PI4KA: variants seen among roughly 807,000 people sequenced by gnomAD.
The protein encoded by PI4KA is PI4-kinase alpha.
A neutral mutation model predicts 271.4 loss-of-function variants in PI4KA; 122 were observed. That is an observed-to-expected ratio of 0.45 (90% confidence interval 0.39 to 0.52). The LOEUF is 0.52. PI4KA is among the 20% of genes least tolerant of loss of function. The probability of loss-of-function intolerance (pLI) is 0.00; values close to 1 mark genes in which losing one functional copy is unlikely to be tolerated. For missense variants in PI4KA, 1,969 were observed against 2,769.1 expected (o/e 0.71, Z 6.48); for synonymous variants, 1,041 against 1,078.8 (o/e 0.96, Z 0.69).
chr22:20,753,880 G>C (rs1226927223), intron 23 of PI4KA, among the ~76,000 whole-genome samples: 1 of 152,064 alleles, frequency 6.6e-6, no homozygotes, highest in African/African-American at 2.4e-5. Flanking sequence ...TAGAGACAGG[G>C]TTTCACCACG....
At chr22:20,857,088 G>C (rs1036218674) in intron 1 of PI4KA, among the ~76,000 whole-genome samples, 2 of 152,200 alleles carry the variant, frequency 1.3e-5, no homozygotes, top group African/African-American at 4.8e-5. Context: ...AATGATAACA[G>C]TGCTCATACA....
chr22:20,788,825 G>A (rs1934442628), intron 19 of PI4KA, among the ~76,000 whole-genome samples: 1 of 151,900 alleles, frequency 6.6e-6, no homozygotes, highest in South Asian at 2.1e-4. Context: ...TTCTTTTCTG[G>A]TGCCTGTCCT....
At chr22:20,719,130 G>A (rs1444734085) in intron 43 of PI4KA, among the ~76,000 whole-genome samples, 2 of 152,122 alleles carry the variant, frequency 1.3e-5, no homozygotes, top group African/African-American at 2.4e-5. Flanking sequence ...GAATGTCACA[G>A]GGCATAGAAT....
At chr22:20,821,769 T>C (rs1922722735) in intron 4 of PI4KA, among the ~76,000 whole-genome samples, 2 of 151,982 alleles carry the variant, frequency 1.3e-5, no homozygotes, top group Admixed American at 1.3e-4. Context: ...TTTTTTATTT[T>C]TAGTAGAGAC....
intron 19 of PI4KA, among the ~76,000 whole-genome samples, chr22:20,766,791 C>A (rs572601450): frequency 3.2e-4 from 49 of 152,194 alleles, no homozygotes; most frequent in African/African-American, 1.1e-3. Context: ...GCTTTGCTAC[C>A]CCCAAACACT....
chr22:20,709,464 C>A, intron 53 of PI4KA, 85 bp from the exon 54 acceptor site: 1 of 757,696 alleles, frequency 1.3e-6, no homozygotes, highest in Admixed American at 2.0e-5. Flanking sequence ...TCCATGGGGA[C>A]GGACTTCAGC....
chr22:20,721,560 G>T (rs762932845), intron 42 of PI4KA, 142 bp from the exon 43 acceptor site: 14 of 817,028 alleles, frequency 1.7e-5, no homozygotes, highest in Non-Finnish European at 2.8e-5. Context: ...AAGCTCTCCA[G>T]GATTGATGTT....
At chr22:20,806,023 G>A (rs1935633685) in intron 10 of PI4KA, among the ~76,000 whole-genome samples, 1 of 152,032 alleles carries the variant, frequency 6.6e-6, no homozygotes. Flanking sequence ...GCCCAGCCAA[G>A]GCAGCCAGCA....
intron 13 of PI4KA, 127 bp downstream of exon 13, chr22:20,803,064 G>A (rs1935420564): frequency 4.1e-6 from 4 of 975,978 alleles, no homozygotes; most frequent in Non-Finnish European, 6.4e-6. Context: ...GGGACGCAAA[G>A]GGAAAGACAG....
At position 20,804,339 on chromosome 22, in the gene PI4KA, G is replaced by T; in HGVS notation, c.1422C>A (p.Val474=). 6.2e-7 allele frequency: 1 copy of T among 1,613,984 alleles called. No homozygotes were observed. Among genetic ancestry groups the T allele is most frequent in the South Asian group, 1.1e-5 (1 of 91,068 alleles). ...EKLQSKTSSK[V]IIAHLPLLIC... ...TCAGCAGGGGCAAGTGAGCAATAAT[G>T]ACTTTGCTGGACGTCTTGGACTGCA... Residue 474 remains valine (V), a synonymous_variant, in exon 12 of 55, where the codon GTC becomes GTA. Transcript: ENST00000255882.
chr22:20,771,652 G>A (rs2147435414), intron 19 of PI4KA, among the ~76,000 whole-genome samples: 1 of 151,874 alleles, frequency 6.6e-6, no homozygotes, highest in East Asian at 1.9e-4. Flanking sequence ...CATGAACTCG[G>A]CTCACTGCAA....
chr22:20,816,397 G>A (rs914414975), intron 7 of PI4KA, among the ~76,000 whole-genome samples: 2 of 152,160 alleles, frequency 1.3e-5, no homozygotes, highest in Non-Finnish European at 2.9e-5. Flanking sequence ...CCAAGGTGCT[G>A]TGATTACAGG....
chr22:20,803,187 T>A lies in PI4KA; in HGVS notation c.1591+4A>T, dbSNP rs370807352. 1.9e-6 allele frequency: 3 copies of A among 1,613,822 alleles called. No individual in the cohort carries two copies. The African/African-American group carries it at 4.0e-5, about 22-fold the overall frequency. On this transcript the variant is annotated splice_donor_region_variant and intron_variant, in intron 13 of 54. Transcript: ENST00000255882. ...GGCCTGAAGGGCACATAGTCTGTTA[T>A]TACCTGTGTGGTACTGACTGTGGTA...
At chr22:20,749,810 G>T (rs528352119) in intron 28 of PI4KA, 95 bp downstream of exon 28, 4 of 748,624 alleles carry the variant, frequency 5.3e-6, no homozygotes, top group South Asian at 4.4e-5. Flanking sequence ...ATTCACACTA[G>T]TGCTATTTGG....
chr22:20,742,359 G>C lies in PI4KA; in HGVS notation c.3614-4C>G. ...TGAAGGAGCTGCGGGTCACAATCTG[G>C]AACCAAACACACGTCAGTCAGAGGC... On this transcript the variant is annotated splice_region_variant and splice_polypyrimidine_tract_variant and intron_variant, in intron 31 of 54. Coordinates refer to ENST00000255882, the MANE Select transcript of PI4KA (RefSeq NM_058004.4). The C allele has an allele frequency of 6.2e-7, 1 of 1,613,564 alleles. No homozygotes were observed. The highest frequency in any genetic ancestry group is 8.5e-7 in the Non-Finnish European group (1 of 1,179,722).
chr22:20,712,246 C>G (rs1326936195), intron 50 of PI4KA: 1 of 270,852 alleles, frequency 3.7e-6, no homozygotes, highest in Non-Finnish European at 5.6e-6. Flanking sequence ...TTAGTAGAGA[C>G]AGGGTTCACC....
intron 18 of PI4KA, among the ~76,000 whole-genome samples, chr22:20,794,640 G>A (rs1056700038): frequency 3.9e-5 from 6 of 152,120 alleles, no homozygotes; most frequent in Non-Finnish European, 1.5e-5. Flanking sequence ...CATCTCAAAT[G>A]CCACTCTTCA....
At chr22:20,838,894 T>C (rs892287584) in intron 1 of PI4KA, among the ~76,000 whole-genome samples, 163 bp from the exon 2 acceptor site, 9 of 152,026 alleles carry the variant, frequency 5.9e-5, no homozygotes, top group African/African-American at 2.2e-4. Flanking sequence ...CTGGCCAACA[T>C]AGTGAGACCC....
At chr22:20,779,553 G>C (rs774122856) in intron 19 of PI4KA, 32 of 1,614,064 alleles carry the variant, frequency 2.0e-5, no homozygotes, top group African/African-American at 2.7e-5. Flanking sequence ...CGACTATCTG[G>C]ACCTGGAGAA....
Sources: gnomAD v4.1 joint callset for allele counts (sites outside exome capture counted in the v4.1 genomes callset) on GRCh38, gnomAD v4.1.1 for gene constraint, MANE v1.5 for transcripts, NCBI Gene and HGNC (gene_info 2026-07-23, HGNC 2026-07-21) for gene names.